KIF6: variants seen among roughly 807,000 people sequenced by gnomAD.
KIF6 encodes the protein kinesin family member 6.
KIF6 carries 106 observed loss-of-function variants against 112.7 expected under a neutral mutation model. The observed-to-expected ratio is 0.94, with a 90% CI of 0.80 to 1.11. The LOEUF (loss-of-function observed/expected upper bound fraction) is 1.11. KIF6 is among the 50% of genes least tolerant of loss of function. The pLI, the probability that KIF6 is intolerant of heterozygous loss-of-function variation, is 0.00. For synonymous variants in KIF6, 339 were observed against 339.9 expected (o/e 1.00, Z 0.03); for missense variants, 929 against 964.0 (o/e 0.96, Z 0.48).
intron 10 of KIF6, among the ~76,000 whole-genome samples, chr6:39,566,521 T>C (rs1435982268): frequency 2.6e-5 from 4 of 152,224 alleles, no homozygotes; most frequent in African/African-American, 7.2e-5. Flanking sequence ...GACATTCCAT[T>C]CTGGCAATTT....
intron 6 of KIF6, among the ~76,000 whole-genome samples, chr6:39,597,159 T>C (rs189092659): frequency 1.5e-3 from 232 of 152,320 alleles, no homozygotes; most frequent in Middle Eastern, 3.4e-3. Context: ...TTAACCTATA[T>C]ATTCAATGCA....
chr6:39,617,076 T>G (rs908017143), intron 5 of KIF6, among the ~76,000 whole-genome samples: 3 of 152,008 alleles, frequency 2.0e-5, no homozygotes, highest in Non-Finnish European at 2.9e-5. Flanking sequence ...ACTATTTATT[T>G]GATTTTTTTT....
At chr6:39,484,122 C>T (rs759113709) in intron 13 of KIF6, among the ~76,000 whole-genome samples, 5 of 152,270 alleles carry the variant, frequency 3.3e-5, no homozygotes, top group South Asian at 2.1e-4. Flanking sequence ...ACTCTGCATT[C>T]GCTACATACC....
At chr6:39,483,504 C>T (rs1028638370) in intron 13 of KIF6, among the ~76,000 whole-genome samples, 2 of 152,174 alleles carry the variant, frequency 1.3e-5, no homozygotes, top group Non-Finnish European at 2.9e-5. Context: ...TGGGGTGTAC[C>T]TTTGTCTGAC....
At chr6:39,629,443 G>T (rs1282557990) in intron 5 of KIF6, among the ~76,000 whole-genome samples, 1 of 152,012 alleles carries the variant, frequency 6.6e-6, no homozygotes, top group African/African-American at 2.4e-5. Flanking sequence ...CTTTTCATAC[G>T]CTATTTGCCA....
At chr6:39,669,056 C>T (rs1041171585) in intron 3 of KIF6, among the ~76,000 whole-genome samples, 2 of 152,076 alleles carry the variant, frequency 1.3e-5, no homozygotes, top group Non-Finnish European at 2.9e-5. Context: ...ACCTGTACAG[C>T]CATTTGATTC....
chr6:39,643,629 A>G (rs1346950495), intron 3 of KIF6, among the ~76,000 whole-genome samples: 1 of 152,192 alleles, frequency 6.6e-6, no homozygotes, highest in East Asian at 1.9e-4. Context: ...ATGAAAAAGA[A>G]TAAAGCTGGA....
intron 6 of KIF6, among the ~76,000 whole-genome samples, chr6:39,604,337 A>T (rs1326484255): frequency 1.3e-5 from 2 of 152,278 alleles, no homozygotes; most frequent in East Asian, 3.9e-4. Context: ...GAAGCTTGCT[A>T]TGCCCTTGAT....
chr6:39,456,961 T>C (rs62402239), intron 13 of KIF6, among the ~76,000 whole-genome samples: 40,650 of 144,292 alleles, frequency 0.28, 7,219 homozygotes, highest in African/African-American at 0.51. Flanking sequence ...GACAGATCAA[T>C]GAGACAGAAA....
chr6:39,663,943 A>T (rs138967570), intron 3 of KIF6, among the ~76,000 whole-genome samples: 5 of 151,946 alleles, frequency 3.3e-5, no homozygotes, highest in Non-Finnish European at 7.4e-5. Flanking sequence ...TAAGCAGATA[A>T]ATAAGCCAAT....
chr6:39,429,906 T>C (rs1771032224), intron 14 of KIF6, among the ~76,000 whole-genome samples: 1 of 149,148 alleles, frequency 6.7e-6, no homozygotes. Flanking sequence ...AGACTCTGTC[T>C]CAAAAAAAAA....
chr6:39,509,094 C>T (rs11961693), intron 13 of KIF6, among the ~76,000 whole-genome samples: 6,817 of 152,252 alleles, frequency 0.045, 287 homozygotes, highest in East Asian at 0.25. Context: ...CAAGCAGGGT[C>T]TGGAGTGGAC....
rs1014867951 is a variant in KIF6 at position 39,677,680 on chromosome 6, C to A, written c.251+37012G>T. ...TATATCTCCCAATGCTATCCCTCCCCCCTCCCCCGACCCCACCACAGTCCC... is the reference window on the plus strand; with the variant it reads ...TATATCTCCCAATGCTATCCCTCCCACCTCCCCCGACCCCACCACAGTCCC... On this transcript the variant is annotated intron_variant, in intron 3 of 22. Coordinates refer to ENST00000287152, the MANE Select transcript of KIF6 (RefSeq NM_145027.6). 6.4e-4 allele frequency among the ~76,000 whole-genome samples: 70 copies of A among 110,150 alleles called. 1 individual carries two copies. Among genetic ancestry groups the A allele is most frequent in the African/African-American group, 2.2e-3 (61 of 27,616 alleles). The allele number at this position is 110,150 out of a possible 152,430, so 72.3% of individuals were successfully genotyped here.
chr6:39,349,338 G>A (rs1002196604), intron 19 of KIF6, among the ~76,000 whole-genome samples: 14 of 152,136 alleles, frequency 9.2e-5, no homozygotes, highest in Non-Finnish European at 1.6e-4. Flanking sequence ...GGACTCTCTC[G>A]GAGATGCCGG....
intron 6 of KIF6, among the ~76,000 whole-genome samples, chr6:39,604,719 T>A (rs997283356): frequency 6.6e-6 from 1 of 152,142 alleles, no homozygotes; most frequent in African/African-American, 2.4e-5. Context: ...CTGGAACATA[T>A]AATAAGAATG....
At chr6:39,358,450 C>T (rs894312119) in intron 18 of KIF6, among the ~76,000 whole-genome samples, 10 of 152,232 alleles carry the variant, frequency 6.6e-5, no homozygotes, top group African/African-American at 1.9e-4. Context: ...CAGTGACATC[C>T]TGTGGGGCAG....
intron 6 of KIF6, among the ~76,000 whole-genome samples, chr6:39,608,965 G>A (rs1038017422): frequency 6.6e-6 from 1 of 152,140 alleles, no homozygotes; most frequent in Non-Finnish European, 1.5e-5. Context: ...AGAACTCCAG[G>A]GCCTGTCCAA....
intron 14 of KIF6, among the ~76,000 whole-genome samples, chr6:39,429,753 A>C (rs1376881252): frequency 6.6e-6 from 1 of 152,026 alleles, no homozygotes; most frequent in Non-Finnish European, 1.5e-5. Context: ...CTAAAAATAC[A>C]AAAAATTAGC....
Position 39,357,380 on chromosome 6 carries a change from G to A in KIF6, c.2083-6C>T. On this transcript the variant is annotated splice_polypyrimidine_tract_variant and splice_region_variant and intron_variant, in intron 18 of 22. Transcript: ENST00000287152. ...TTCACTGCTGGAGAATTTACCTGTTGGCCCCAGAAGGAGTTTCACAGTGTT... is the reference window on the plus strand; with the variant it reads ...TTCACTGCTGGAGAATTTACCTGTTAGCCCCAGAAGGAGTTTCACAGTGTT... 2 of 1,592,224 alleles carry A rather than the reference G, an allele frequency of 1.3e-6. No homozygotes were observed. Among genetic ancestry groups the A allele is most frequent in the Non-Finnish European group, 1.7e-6 (2 of 1,160,588 alleles).
Sources: gnomAD v4.1 joint callset for allele counts (sites outside exome capture counted in the v4.1 genomes callset) on GRCh38, gnomAD v4.1.1 for gene constraint, MANE v1.5 for transcripts, NCBI Gene and HGNC (gene_info 2026-07-23, HGNC 2026-07-21) for gene names.